ENOSF1: variants seen among roughly 807,000 people sequenced by gnomAD.
ENOSF1 encodes the protein mitochondrial enolase superfamily member 1.
A neutral mutation model predicts 68.2 loss-of-function variants in ENOSF1; 73 were observed. The ratio of observed to expected loss-of-function variants is 1.07; its 90% CI spans 0.89 to 1.30. The LOEUF is 1.30. ENOSF1 is among the 50% of genes most tolerant of loss of function. ENOSF1 has a pLI of 0.00. For synonymous variants in ENOSF1, 223 were observed against 210.4 expected (o/e 1.06, Z -0.52); for missense variants, 589 against 554.5 (o/e 1.06, Z -0.62).
In ENOSF1 at chr18:672,221, A is replaced by T. The variant is rs1032593077; in HGVS notation, c.*2084T>A. On this transcript the variant is annotated 3_prime_UTR_variant, in exon 16 of 16. Transcript: ENST00000647584. ...TAAGTTCATCTGCTTCATGAGCCTT[A>T]AGGAAAAAAACTCAGAACCAGACAC... 3 of 152,228 alleles carry T rather than the reference A, an allele frequency of 2.0e-5. No individual in the cohort carries two copies. The highest frequency in any genetic ancestry group is 4.8e-5 in the African/African-American group (2 of 41,458). The allele number at this position is 152,228 out of a possible 1,614,324, so 9.4% of individuals were successfully genotyped here.
chr18:708,784 G>C (rs2079202922), intron 1 of ENOSF1, among the ~76,000 whole-genome samples: 1 of 152,152 alleles, frequency 6.6e-6, no homozygotes, highest in African/African-American at 2.4e-5. Context: ...GAAAGTAAAG[G>C]GGTCAGAAGA....
downstream of ENOSF1, among the ~76,000 whole-genome samples, chr18:667,448 TGATGGTGATGATGGA>T (rs1567990626): frequency 5.3e-3 from 6 of 1,130 alleles, 1 homozygote; most frequent in East Asian, 0.028. Context: ...ATGGTGATGG[TGATGGTGATGATGGA>T]GATGGTGATG....
downstream of ENOSF1, among the ~76,000 whole-genome samples, chr18:668,755 A>C (rs749381949): frequency 2.6e-5 from 4 of 152,224 alleles, no homozygotes; most frequent in Admixed American, 6.5e-5. Context: ...GAAGAAATTA[A>C]GATTGTTGAG....
At chr18:668,229 CT>C (rs1315265278), downstream of ENOSF1, among the ~76,000 whole-genome samples, 2 of 149,870 alleles carry the variant, frequency 1.3e-5, no homozygotes, top group Non-Finnish European at 3.0e-5. Context: ...CAAGGTTCAT[CT>C]TTTTAAAATC....
chr18:704,612 CTT>C (rs373644673), intron 2 of ENOSF1, among the ~76,000 whole-genome samples: 2 of 138,416 alleles, frequency 1.4e-5, no homozygotes, highest in Admixed American at 7.4e-5. Context: ...TATCTTTTTT[CTT>C]TTTTTTTTTG....
chr18:678,646 G>A (rs753023941), intron 12 of ENOSF1, 50 bp downstream of exon 12: 7 of 1,571,112 alleles, frequency 4.5e-6, no homozygotes, highest in African/African-American at 2.7e-5. Flanking sequence ...ACTGGTCAGC[G>A]TGTACTGACC....
At chr18:686,649 C>T (rs559469210) in intron 9 of ENOSF1, 8 of 152,392 alleles carry the variant, frequency 5.2e-5, no homozygotes, top group Non-Finnish European at 8.8e-5. Flanking sequence ...ACATGGGCCT[C>T]TATGTCCACA....
At chr18:688,398 C>T in intron 9 of ENOSF1, 176 bp downstream of exon 9, 1 of 664,080 alleles carries the variant, frequency 1.5e-6, no homozygotes, top group Admixed American at 2.8e-5. Flanking sequence ...GGACTCACAT[C>T]CTGCCTTTAG....
intron 8 of ENOSF1, among the ~76,000 whole-genome samples, chr18:689,903 G>C (rs1034755977): frequency 2.7e-5 from 4 of 150,772 alleles, no homozygotes; most frequent in African/African-American, 1.0e-4. Flanking sequence ...GGAGGCGAGG[G>C]GGCTGAAGGC....
In ENOSF1 at chr18:671,058, G is replaced by A. The variant is rs1476150699; in HGVS notation, c.*3247C>T. The A allele has an allele frequency of 9.2e-6, 6 of 653,352 alleles. No individual in the cohort carries two copies. The highest frequency in any genetic ancestry group is 1.0e-5 in the Non-Finnish European group (4 of 386,834). The allele number at this position is 653,352 out of a possible 1,614,324, so 40.5% of individuals were successfully genotyped here. Reference sequence around the variant, plus strand: ...AAGGTTTTCTGGCCCTGTGGTATACGCACTAACAGATCTATACAGGTTGTT... The same window carrying A: ...AAGGTTTTCTGGCCCTGTGGTATACACACTAACAGATCTATACAGGTTGTT... On this transcript the variant is annotated 3_prime_UTR_variant, in exon 16 of 16. Coordinates refer to ENST00000647584, the MANE Select transcript of ENOSF1 (RefSeq NM_017512.7).
chr18:696,451 T>C (rs555565131), intron 3 of ENOSF1, among the ~76,000 whole-genome samples: 59 of 152,192 alleles, frequency 3.9e-4, no homozygotes, highest in African/African-American at 1.4e-3. Flanking sequence ...GACCTCGTGA[T>C]CTGCCTGCCT....
chr18:672,850 T>G lies in ENOSF1; in HGVS notation c.*1455A>C. 6.4e-7 allele frequency: 1 copy of G among 1,553,482 alleles called. No individual in the cohort carries two copies. The highest frequency in any genetic ancestry group is 8.8e-7 in the Non-Finnish European group (1 of 1,136,588). The stretch of plus-strand genomic sequence containing the variant: ...ATTATGGCAAAATAATGGCCTTATT[T>G]TGTTTTTAGCTTCAGCGAGAACCCA... On this transcript the variant is annotated 3_prime_UTR_variant, in exon 16 of 16. Transcript: ENST00000647584.
intron 10 of ENOSF1, among the ~76,000 whole-genome samples, chr18:684,808 A>G (rs1023784735): frequency 1.3e-5 from 2 of 152,014 alleles, no homozygotes; most frequent in Non-Finnish European, 2.9e-5. Flanking sequence ...GTGCTAAGTG[A>G]TAAGAGCTCT....
intron 1 of ENOSF1, among the ~76,000 whole-genome samples, chr18:707,398 C>A (rs1357287014): frequency 6.6e-6 from 1 of 152,184 alleles, no homozygotes; most frequent in African/African-American, 2.4e-5. Context: ...GTTACATTCA[C>A]AAGCAGCTTC....
rs201727289 is a variant in ENOSF1 at position 675,390 on chromosome 18, A to C, written c.1161T>G (p.Tyr387Ter). The C allele has an allele frequency of 1.2e-6, 2 of 1,612,896 alleles. No individual in the cohort carries two copies. The highest frequency in any genetic ancestry group is 4.5e-5 in the East Asian group (2 of 44,872). Reference protein sequence around the residue: ...SASLENRVCEYVDHLHEHFKY... With the variant: ...SASLENRVCE ...TGAAATGCTCATGCAGGTGGTCAAC[A>C]TACTCACACACCCTAGGAGGAGGGA... Residue 387 changes from tyrosine (Y) to a stop codon, truncating the protein, a stop_gained, in exon 15 of 16, where the codon TAT becomes TAG. Coordinates refer to ENST00000647584, the MANE Select transcript of ENOSF1 (RefSeq NM_017512.7). LOFTEE classifies it high-confidence loss of function.
chr18:701,777 T>TG (rs2078375674), intron 2 of ENOSF1, among the ~76,000 whole-genome samples: 1 of 141,114 alleles, frequency 7.1e-6, no homozygotes, highest in African/African-American at 2.6e-5. Flanking sequence ...AAAAATTAGC[T>TG]GGCGTGATAG....
intron 2 of ENOSF1, among the ~76,000 whole-genome samples, chr18:702,344 G>C (rs2078455216): frequency 6.6e-6 from 1 of 151,496 alleles, no homozygotes; most frequent in African/African-American, 2.4e-5. Context: ...AGGCCAAAGT[G>C]GGTGGATCAC....
chr18:677,400 C>T lies in ENOSF1; in HGVS notation c.1093G>A (p.Val365Met), dbSNP rs1275703544. ...TAGTCAAATATAATCAGGTGCTGCA[C>T]CAGTTCACAGAGGCCAACTCCACCA... is the stretch of plus-strand genomic sequence containing the variant. ...HAGGVGLCEL[V>M]QHLIIFDYIS... Residue 365 changes from valine (V) to methionine (M), a missense_variant, in exon 14 of 16, where the codon GTG becomes ATG. Physicochemically the swap from Val to Met is conservative, Grantham distance 21 (BLOSUM62 1). Transcript: ENST00000647584. The T allele has an allele frequency of 1.9e-6, 3 of 1,613,766 alleles. No homozygotes were observed. Among genetic ancestry groups the T allele is most frequent in the South Asian group, 2.2e-5 (2 of 90,998 alleles).
downstream of ENOSF1, among the ~76,000 whole-genome samples, chr18:668,252 C>T (rs567101378): frequency 2.0e-3 from 309 of 151,874 alleles, 1 homozygote; most frequent in African/African-American, 6.8e-3. Context: ...TTGATGTTAC[C>T]TTTTTCGGAA....
Sources: gnomAD v4.1 joint callset for allele counts (sites outside exome capture counted in the v4.1 genomes callset) on GRCh38, gnomAD v4.1.1 for gene constraint, MANE v1.5 for transcripts, NCBI Gene and HGNC (gene_info 2026-07-23, HGNC 2026-07-21) for gene names.